ACIN1: variants seen among roughly 807,000 people sequenced by gnomAD.
ACIN1 encodes the protein apoptotic chromatin condensation inducer in the nucleus.
Under a neutral mutation model 146.6 loss-of-function variants are expected in ACIN1, and 16 were observed. The observed-to-expected ratio is 0.11, with a 90% CI of 0.07 to 0.17. ACIN1 has a LOEUF of 0.17. Among genes scored for constraint, ACIN1 ranks in the 10% least tolerant of loss-of-function variants. The pLI is 1.00. For missense variants in ACIN1, 1,357 were observed against 1,609.3 expected (o/e 0.84, Z 2.68); for synonymous variants, 569 against 582.7 (o/e 0.98, Z 0.34).
intron 18 of ACIN1, among the ~76,000 whole-genome samples, chr14:23,060,076 G>A (rs977003834): frequency 6.7e-6 from 1 of 150,262 alleles, no homozygotes; most frequent in Non-Finnish European, 1.5e-5. Flanking sequence ...TCCTGCCTCA[G>A]CCTCCCTAGT....
At chr14:23,094,612 G>T in intron 1 of ACIN1, 3 of 875,478 alleles carry the variant, frequency 3.4e-6, no homozygotes, top group South Asian at 5.3e-5. Context: ...AGCCCAACTC[G>T]CCCCCCTCAG....
chr14:23,062,237 A>G lies in ACIN1; in HGVS notation c.3030T>C (p.Ala1010=). 1 of 1,614,076 alleles carries G rather than the reference A, an allele frequency of 6.2e-7. No homozygotes were observed. The highest frequency in any genetic ancestry group is 1.3e-5 in the African/African-American group (1 of 74,992). ...ACTGGGGCCATTTGACCCCGTGCAG[A>G]GCTGTGCGGGTGGCAACAGCTTCCT... ...TVEEAVATRT[A]LHGVKWPQSN... is the part of the protein sequence containing the mutation. Residue 1010 remains alanine, a synonymous_variant, in exon 16 of 19, where the codon GCT becomes GCC. Coordinates refer to ENST00000605057, the MANE Select transcript of ACIN1 (RefSeq NM_001386863.1).
chr14:23,068,829 C>G lies in ACIN1; in HGVS notation c.2265+647G>C. The G allele has an allele frequency of 5.1e-6, 5 of 985,476 alleles. No individual in the cohort carries two copies. Among genetic ancestry groups the G allele is most frequent in the Non-Finnish European group, 6.0e-6 (5 of 829,958 alleles). 61.0% of individuals were successfully genotyped at this position (985,476 alleles called of 1,614,324 possible). A position where few individuals can be genotyped will look rare whatever the true frequency, so the allele number is the denominator to read the frequency against. ...TGTTACCCCTCTCCTAAACCCAGCTCATTCTTTCTCAATTACTTTAAGAGC... is the reference window on the plus strand; with the variant it reads ...TGTTACCCCTCTCCTAAACCCAGCTGATTCTTTCTCAATTACTTTAAGAGC... On this transcript the variant is annotated intron_variant, in intron 9 of 18. Transcript: ENST00000605057. This position sits in a 1 kb window ranked among gnomAD's most constrained non-coding sequence, Gnocchi z 4.3.
intron 4 of ACIN1, among the ~76,000 whole-genome samples, chr14:23,082,039 T>G (rs1159629137): frequency 2.0e-5 from 3 of 152,246 alleles, no homozygotes; most frequent in African/African-American, 7.2e-5. Flanking sequence ...TAATTCTTGG[T>G]GTGCAAGTCT....
At chr14:23,085,533 TGTA>T (rs2048068967) in intron 4 of ACIN1, among the ~76,000 whole-genome samples, 1 of 152,220 alleles carries the variant, frequency 6.6e-6, no homozygotes, top group Non-Finnish European at 1.5e-5. Context: ...TGGAAGAACT[TGTA>T]GTAAGTCATC....
At chr14:23,091,383 G>C (rs2048222302) in intron 2 of ACIN1, among the ~76,000 whole-genome samples, 2 of 151,956 alleles carry the variant, frequency 1.3e-5, no homozygotes, top group Admixed American at 1.3e-4. Flanking sequence ...AAGACTGCTT[G>C]AGCTCAGGAG....
chr14:23,072,875 A>G (rs1372744991), intron 8 of ACIN1, among the ~76,000 whole-genome samples: 2 of 152,202 alleles, frequency 1.3e-5, no homozygotes, highest in Non-Finnish European at 2.9e-5. Flanking sequence ...CCACTCTGTT[A>G]AAAGTTGTGT....
At position 23,063,325 on chromosome 14, in the gene ACIN1, C is replaced by CA. The variant is rs1164757425; in HGVS notation, c.2737+110_2737+111insT. Reference sequence around the variant, plus strand: ...ATATGTAGGAGAAAGATATGATATACGAAAAAATATAATGAAAGGCAGGAA... The same window carrying CA: ...ATATGTAGGAGAAAGATATGATATACAGAAAAAATATAATGAAAGGCAGGAA... On this transcript the variant is annotated intron_variant, in intron 13 of 18. Coordinates refer to ENST00000605057, the MANE Select transcript of ACIN1 (RefSeq NM_001386863.1). 4.1e-4 allele frequency: 576 copies of CA among 1,393,966 alleles called. 1 individual carries two copies. The Middle Eastern group carries it at 5.8e-3, about 14-fold the overall frequency. 86.3% of individuals were successfully genotyped at this position (1,393,966 alleles called of 1,614,324 possible).
chr14:23,074,885 G>C (rs943122664), intron 8 of ACIN1, among the ~76,000 whole-genome samples: 4 of 152,158 alleles, frequency 2.6e-5, no homozygotes, highest in Non-Finnish European at 5.9e-5. Flanking sequence ...AGTTATTATA[G>C]AAAATTCACG....
In ACIN1 at chr14:23,068,665, T is replaced by A; in HGVS notation, c.2265+811A>T. The stretch of plus-strand genomic sequence containing the variant: ...TATTTTACGGGCGGATTACCGTACA[T>A]GAGGTACTTGGACAAAGTTTTACGG... On this transcript the variant is annotated intron_variant, in intron 9 of 18. Transcript: ENST00000605057. The surrounding 1 kb of genome is among the most constrained non-coding windows in gnomAD (Gnocchi z 4.3). 1.0e-6 allele frequency: 1 copy of A among 985,802 alleles called. No individual in the cohort carries two copies. Among genetic ancestry groups the A allele is most frequent in the Non-Finnish European group, 1.2e-6 (1 of 829,948 alleles). 61.1% of individuals were successfully genotyped at this position (985,802 alleles called of 1,614,324 possible).
Position 23,059,443 on chromosome 14 carries a change from C to T in ACIN1, c.3557G>A (p.Arg1186Gln). Residue 1186 changes from arginine (R) to glutamine (Q), a missense_variant, in exon 19 of 19, where the codon CGG becomes CAG. By Grantham distance (43) the Arg-to-Gln change is conservative (BLOSUM62 1). This residue lies in a region of ACIN1 where 509 missense variants were observed against 719.6 expected (regional missense o/e 0.71). Transcript: ENST00000605057. ...IVQKEAERAERAKEREKRRKE... is the reference protein window; with the variant it reads ...IVQKEAERAEQAKEREKRRKE... ...TCGCCGCTTCTCCCGCTCCTTGGCC[C>T]GTTCGGCCCGCTCTGCCTCTTTCTG... is the stretch of plus-strand genomic sequence containing the variant. The T allele has an allele frequency of 6.2e-7, 1 of 1,613,938 alleles. No homozygotes were observed. The highest frequency in any genetic ancestry group is 8.5e-7 in the Non-Finnish European group (1 of 1,180,000).
Position 23,067,500 on chromosome 14 carries a change from G to A in ACIN1, c.2266-1492C>T. 1.0e-6 allele frequency: 1 copy of A among 979,588 alleles called. No homozygotes were observed. The highest frequency in any genetic ancestry group is 1.2e-6 in the Non-Finnish European group (1 of 824,728). 60.7% of individuals were successfully genotyped at this position (979,588 alleles called of 1,614,324 possible). The stretch of plus-strand genomic sequence containing the variant: ...CCAGAGTCCTCCCAGGGGCGCAGGG[G>A]GGGCGGGAGGGAAACGTGTGGGGGG... On this transcript the variant is annotated intron_variant, in intron 9 of 18. Coordinates refer to ENST00000605057, the MANE Select transcript of ACIN1 (RefSeq NM_001386863.1). This position sits in a 1 kb window ranked among gnomAD's most constrained non-coding sequence, Gnocchi z 4.6.
Position 23,093,559 on chromosome 14 carries a change from G to T in ACIN1, c.139-15C>A. On this transcript the variant is annotated splice_polypyrimidine_tract_variant and intron_variant, in intron 1 of 18. Coordinates refer to ENST00000605057, the MANE Select transcript of ACIN1 (RefSeq NM_001386863.1). The stretch of plus-strand genomic sequence containing the variant: ...AGCATTAGAGCCTGGTATAGAGAAG[G>T]GTAAAAGTCAGAAATGATGAGGAAA... 6.2e-7 allele frequency: 1 copy of T among 1,610,848 alleles called. No individual in the cohort carries two copies.
chr14:23,071,545 A>G (rs2047655267), intron 8 of ACIN1: 1 of 1,550,752 alleles, frequency 6.4e-7, no homozygotes, highest in Non-Finnish European at 8.7e-7. Context: ...GGAGACATGC[A>G]GGGGAGCCAT....
intron 16 of ACIN1, 61 bp downstream of exon 16, chr14:23,062,107 A>T: frequency 7.2e-7 from 1 of 1,387,980 alleles, no homozygotes; most frequent in Non-Finnish European, 1.0e-6. Flanking sequence ...ATCTCAGCTG[A>T]AATCTAGCAG....
At chr14:23,070,200 G>T (rs2140070428) in intron 8 of ACIN1, among the ~76,000 whole-genome samples, 1 of 151,122 alleles carries the variant, frequency 6.6e-6, no homozygotes, top group East Asian at 2.0e-4. Flanking sequence ...AAATGGTGGG[G>T]GGTGGGGGGT....
chr14:23,069,622 C>T lies in ACIN1; in HGVS notation c.2124-5G>A, dbSNP rs371092171. 5.3e-6 allele frequency: 8 copies of T among 1,502,480 alleles called. No homozygotes were observed. In the African/African-American group the frequency reaches 1.1e-4, roughly 20 times the overall value. The allele number at this position is 1,502,480 out of a possible 1,614,324, so 93.1% of individuals were successfully genotyped here. ...GTCACTTCCTCCTTCTCCTCACTGA[C>T]AGGAGGGGGGAGTGGTGGTGGGGGG... On this transcript the variant is annotated splice_polypyrimidine_tract_variant and splice_region_variant and intron_variant, in intron 8 of 18. Coordinates refer to ENST00000605057, the MANE Select transcript of ACIN1 (RefSeq NM_001386863.1).
In ACIN1 at chr14:23,061,155, G is replaced by A. The variant is rs2047266952; in HGVS notation, c.3454C>T (p.Leu1152=). 1 of 1,614,146 alleles carries A rather than the reference G, an allele frequency of 6.2e-7. No homozygotes were observed. Among genetic ancestry groups the A allele is most frequent in the South Asian group, 1.1e-5 (1 of 91,078 alleles). The change falls in exon 18 of 19, where the codon CTG becomes TTG. Residue 1152 remains leucine (L), a synonymous_variant. Coordinates refer to ENST00000605057, the MANE Select transcript of ACIN1 (RefSeq NM_001386863.1). ...GTCTTTCGGAAAAGGTCATCCAGCA[G>A]CTTGGCAGGTGGTTCCTCCTGGGCT... ...EKAQEEPPAK[L]LDDLFRKTKA...
chr14:23,066,109 G>A, intron 9 of ACIN1, 101 bp from the exon 10 acceptor site: 1 of 868,404 alleles, frequency 1.2e-6, no homozygotes, highest in Non-Finnish European at 1.9e-6. Context: ...AGCCTCCAAA[G>A]ACACAGATAG....
Sources: allele counts gnomAD v4.1 joint callset (sites outside exome capture counted in the v4.1 genomes callset), GRCh38; gene constraint gnomAD v4.1.1; regional missense constraint gnomAD v4.1.1; non-coding constraint Gnocchi (gnomAD v3.1); transcripts MANE v1.5; gene names NCBI Gene and HGNC (gene_info 2026-07-23, HGNC 2026-07-21).